RAPGEF4: variants seen among roughly 807,000 people sequenced by gnomAD.
RAPGEF4 encodes Rap guanine nucleotide exchange factor 4.
A neutral mutation model predicts 147.9 loss-of-function variants in RAPGEF4; 66 were observed. The observed-to-expected ratio is 0.45, with a 90% CI of 0.37 to 0.55. The LOEUF (loss-of-function observed/expected upper bound fraction) is 0.55. RAPGEF4 is among the 20% of genes least tolerant of loss of function. The pLI is 0.00. For missense variants in RAPGEF4, 1,071 were observed against 1,257.3 expected (o/e 0.85, Z 2.24); for synonymous variants, 419 against 442.7 (o/e 0.95, Z 0.67).
At chr2:172,802,437 C>T (rs566548945) in intron 3 of RAPGEF4, among the ~76,000 whole-genome samples, 31 of 152,268 alleles carry the variant, frequency 2.0e-4, no homozygotes, top group South Asian at 1.2e-3. Context: ...ATCTTTAAAA[C>T]GGTCAGATCT....
chr2:172,983,414 C>T, intron 10 of RAPGEF4, 82 bp from the exon 11 acceptor site: 3 of 1,542,368 alleles, frequency 1.9e-6, no homozygotes, highest in South Asian at 1.3e-5. Flanking sequence ...GAGCATGTTA[C>T]TGATGCCTGG....
intron 6 of RAPGEF4, among the ~76,000 whole-genome samples, chr2:172,953,915 G>T (rs2105407414): frequency 6.6e-6 from 1 of 152,250 alleles, no homozygotes; most frequent in South Asian, 2.1e-4. Context: ...CGACTGGTGG[G>T]CTAGAGTGGC....
intron 17 of RAPGEF4, among the ~76,000 whole-genome samples, chr2:173,005,511 T>C (rs1290564407): frequency 7.2e-6 from 1 of 139,608 alleles, no homozygotes; most frequent in Non-Finnish European, 1.5e-5. Context: ...GTTGTTGTTG[T>C]TGTTTTGTGT....
At chr2:172,844,113 C>G (rs1207515763) in intron 4 of RAPGEF4, among the ~76,000 whole-genome samples, 1 of 152,196 alleles carries the variant, frequency 6.6e-6, no homozygotes, top group Non-Finnish European at 1.5e-5. Context: ...CCACATTAGG[C>G]TGTATTTTAC....
In RAPGEF4 at chr2:172,736,059, G is replaced by A. The variant is rs749944335; in HGVS notation, c.65+11G>A. On this transcript the variant is annotated intron_variant, in intron 1 of 30. Coordinates refer to ENST00000397081, the MANE Select transcript of RAPGEF4 (RefSeq NM_007023.4). ...CTGCCTGGATAAAAGGTAGCTCGCC[G>A]GGGGCCGCAGCCGGGGGCCGAGCTC... is the stretch of plus-strand genomic sequence containing the variant. 5 of 1,417,016 alleles carry A rather than the reference G, an allele frequency of 3.5e-6. No homozygotes were observed. Among genetic ancestry groups the A allele is most frequent in the South Asian group, 1.4e-5 (1 of 73,792 alleles). The allele number at this position is 1,417,016 out of a possible 1,614,324, so 87.8% of individuals were successfully genotyped here.
At position 172,983,923 on chromosome 2, in the gene RAPGEF4, A is replaced by G. The variant is rs565777307; in HGVS notation, c.1089+343A>G. Among the ~76,000 whole-genome samples the G allele has an allele frequency of 3.9e-5, 6 of 152,258 alleles. No homozygotes were observed. The South Asian group carries it at 8.3e-4, about 21-fold the overall frequency. On this transcript the variant is annotated intron_variant, in intron 11 of 30. Transcript: ENST00000397081. The stretch of plus-strand genomic sequence containing the variant: ...CCTGGGAGGGACTCTGAATCCTGCC[A>G]TGGTATGCTGCCAGAGGGTGGAAAG...
At chr2:172,924,353 T>C (rs887972716) in intron 6 of RAPGEF4, among the ~76,000 whole-genome samples, 2 of 152,148 alleles carry the variant, frequency 1.3e-5, no homozygotes, top group Non-Finnish European at 2.9e-5. Context: ...TGTGACAAAA[T>C]AGGAATTTAA....
chr2:172,968,030 C>T (rs1690041769), intron 10 of RAPGEF4, among the ~76,000 whole-genome samples: 2 of 152,192 alleles, frequency 1.3e-5, no homozygotes, highest in Non-Finnish European at 2.9e-5. Flanking sequence ...AGCAGGCCAC[C>T]ACCTGCAATT....
At chr2:173,016,515 A>G in intron 19 of RAPGEF4, 78 bp downstream of exon 19, 1 of 1,237,892 alleles carries the variant, frequency 8.1e-7, no homozygotes, top group Non-Finnish European at 1.2e-6. Context: ...AGAAAGGTTA[A>G]AGCTGGTCTT....
At chr2:172,997,413 A>T (rs1693474699) in intron 16 of RAPGEF4, among the ~76,000 whole-genome samples, 1 of 152,150 alleles carries the variant, frequency 6.6e-6, no homozygotes, top group Non-Finnish European at 1.5e-5. Context: ...ATTTCCAAAG[A>T]CGATTATATT....
At chr2:172,889,191 G>C (rs943605263) in intron 4 of RAPGEF4, among the ~76,000 whole-genome samples, 1 of 152,130 alleles carries the variant, frequency 6.6e-6, no homozygotes, top group Non-Finnish European at 1.5e-5. Flanking sequence ...TATGTTTTAA[G>C]AGTGTGGCAC....
intron 6 of RAPGEF4, chr2:172,928,307 A>T (rs1387438820): frequency 2.1e-5 from 9 of 433,786 alleles, no homozygotes; most frequent in Non-Finnish European, 4.2e-5. Flanking sequence ...AACTCTTACA[A>T]AAGCTAGCCA....
At chr2:172,751,210 T>C (rs1346738320) in intron 1 of RAPGEF4, among the ~76,000 whole-genome samples, 2 of 152,184 alleles carry the variant, frequency 1.3e-5, no homozygotes, top group African/African-American at 4.8e-5. Context: ...TGTCATTCAC[T>C]CATTCATTTA....
intron 4 of RAPGEF4, among the ~76,000 whole-genome samples, chr2:172,832,237 T>C (rs1265445089): frequency 6.6e-6 from 1 of 152,182 alleles, no homozygotes; most frequent in Non-Finnish European, 1.5e-5. Context: ...AGATCTATGA[T>C]CGTCTGAGGT....
intron 16 of RAPGEF4, among the ~76,000 whole-genome samples, chr2:172,998,231 C>T (rs1232977578): frequency 6.6e-6 from 1 of 151,954 alleles, no homozygotes; most frequent in African/African-American, 2.4e-5. Flanking sequence ...ATAGAGTGGC[C>T]CTGAAGGAGG....
At chr2:173,026,465 A>G in intron 23 of RAPGEF4, 107 bp from the exon 24 acceptor site, 1 of 1,214,156 alleles carries the variant, frequency 8.2e-7, no homozygotes, top group Non-Finnish European at 1.1e-6. Flanking sequence ...TATTCCTGAA[A>G]GCGTCCATCT....
intron 10 of RAPGEF4, among the ~76,000 whole-genome samples, chr2:172,980,305 C>G (rs1691540518): frequency 6.6e-6 from 1 of 151,994 alleles, no homozygotes. Context: ...TGTGAGTTAT[C>G]TAGGAAGAGA....
intron 6 of RAPGEF4, among the ~76,000 whole-genome samples, chr2:172,933,755 T>C (rs1686230701): frequency 6.6e-6 from 1 of 152,244 alleles, no homozygotes; most frequent in South Asian, 2.1e-4. Flanking sequence ...GCTTTCAGGT[T>C]TCACCTTTTA....
chr2:172,948,920 A>G (rs1307410141), intron 6 of RAPGEF4, among the ~76,000 whole-genome samples: 3 of 152,190 alleles, frequency 2.0e-5, no homozygotes, highest in Admixed American at 6.5e-5. Flanking sequence ...GTTTACCTAT[A>G]TAACAAACCT....
Sources: gnomAD v4.1 joint callset for allele counts (sites outside exome capture counted in the v4.1 genomes callset) on GRCh38, gnomAD v4.1.1 for gene constraint, MANE v1.5 for transcripts, NCBI Gene and HGNC (gene_info 2026-07-23, HGNC 2026-07-21) for gene names.